The following COL27A1 variants were observed in gnomAD, a reference collection of about 807,000 sequenced individuals.
COL27A1 encodes the protein collagen alpha-1(XXVII) chain.
In COL27A1, 106 loss-of-function variants were observed where a neutral mutation model predicts 251.3. The observed-to-expected ratio is 0.42, with a 90% CI of 0.36 to 0.50. The LOEUF (loss-of-function observed/expected upper bound fraction) is 0.50, where lower values mean the gene tolerates loss of function less well. Ranked by LOEUF, COL27A1 falls within the 20% of genes least tolerant of loss-of-function variation. COL27A1 has a pLI of 0.00. For synonymous variants in COL27A1, 1,000 were observed against 986.3 expected (o/e 1.01, Z -0.26); for missense variants, 2,325 against 2,522.8 (o/e 0.92, Z 1.68).
chr9:114,217,313 C>T (rs892796585), intron 12 of COL27A1, among the ~76,000 whole-genome samples: 3 of 152,196 alleles, frequency 2.0e-5, no homozygotes, highest in East Asian at 3.9e-4. Flanking sequence ...CACTGAGGCA[C>T]CCTTCATGTG....
At chr9:114,198,798 T>G (rs1342101037) in intron 7 of COL27A1, among the ~76,000 whole-genome samples, 6 of 152,102 alleles carry the variant, frequency 3.9e-5, no homozygotes, top group Non-Finnish European at 1.5e-5. Flanking sequence ...GCAAACCAGG[T>G]CAGATAGACC....
At chr9:114,282,175 G>A in intron 37 of COL27A1, 102 bp from the exon 38 acceptor site, 1 of 1,040,878 alleles carries the variant, frequency 9.6e-7, no homozygotes, top group Non-Finnish European at 1.5e-6. Flanking sequence ...TTCGAACCTG[G>A]CCATCTGCCT....
chr9:114,158,399 G>A (rs1468137075), intron 1 of COL27A1, among the ~76,000 whole-genome samples: 1 of 152,186 alleles, frequency 6.6e-6, no homozygotes, highest in East Asian at 1.9e-4. Flanking sequence ...AGCCCCATTT[G>A]GTGCACTGGC....
At position 114,311,837 on chromosome 9, in the gene COL27A1, A is replaced by C. The variant is rs969876762; in HGVS notation, c.*1142A>C. ...GGCTAGGCTTAGAGGTGAAGCATCAACATGGAACCATCTCAGGAAGCCGCA... is the reference window on the plus strand; with the variant it reads ...GGCTAGGCTTAGAGGTGAAGCATCACCATGGAACCATCTCAGGAAGCCGCA... On this transcript the variant is annotated 3_prime_UTR_variant, in exon 61 of 61. Transcript: ENST00000356083. 6.6e-6 allele frequency: 1 copy of C among 152,352 alleles called. No individual in the cohort carries two copies. The highest frequency in any genetic ancestry group is 2.4e-5 in the African/African-American group (1 of 41,590). The allele number at this position is 152,352 out of a possible 1,614,324, so 9.4% of individuals were successfully genotyped here. A position where few individuals can be genotyped will look rare whatever the true frequency, so the allele number is the denominator to read the frequency against.
Position 114,240,209 on chromosome 9 carries a change from C to T in COL27A1, c.2728-11C>T, listed in dbSNP as rs1046707261. 7 of 1,612,852 alleles carry T rather than the reference C, an allele frequency of 4.3e-6. No homozygotes were observed. The highest frequency in any genetic ancestry group is 3.3e-5 in the Admixed American group (2 of 59,962). On this transcript the variant is annotated splice_polypyrimidine_tract_variant and intron_variant, in intron 19 of 60. Transcript: ENST00000356083. The stretch of plus-strand genomic sequence containing the variant: ...CCCCCGTGGGTGACCCTGCTCTCTG[C>T]TTCCCCTCAGGGATTCCCAGGAGAC...
At chr9:114,252,708 T>TC in intron 26 of COL27A1, 62 bp downstream of exon 26, 1 of 1,517,362 alleles carries the variant, frequency 6.6e-7, no homozygotes, top group South Asian at 1.1e-5. Context: ...ACAGCTCTGC[T>TC]CTCCTCCATG....
chr9:114,219,677 G>C (rs1830944822), intron 12 of COL27A1, 114 bp from the exon 13 acceptor site: 1 of 753,150 alleles, frequency 1.3e-6, no homozygotes, highest in East Asian at 2.5e-5. Context: ...CATGACCAAG[G>C]AGTGAGACTG....
At chr9:114,279,811 C>G (rs1835793946) in intron 37 of COL27A1, among the ~76,000 whole-genome samples, 1 of 151,848 alleles carries the variant, frequency 6.6e-6, no homozygotes, top group Admixed American at 6.6e-5. Flanking sequence ...TGAGATTGAG[C>G]CACTGTGTTC....
intron 10 of COL27A1, among the ~76,000 whole-genome samples, chr9:114,207,722 C>T (rs1278991023): frequency 6.6e-6 from 1 of 152,200 alleles, no homozygotes; most frequent in African/African-American, 2.4e-5. Context: ...AGAGGGCAGG[C>T]TTTGGAATCA....
chr9:114,220,688 G>T (rs1042628637), intron 13 of COL27A1, among the ~76,000 whole-genome samples: 1 of 152,126 alleles, frequency 6.6e-6, no homozygotes, highest in Non-Finnish European at 1.5e-5. Flanking sequence ...TCTGCAAATT[G>T]GGGGGATCAG....
In COL27A1 at chr9:114,237,039, G is replaced by C. The variant is rs759753171; in HGVS notation, c.2673+5G>C. ...CGGGGGAAGCCAGGGCCTCTGGTAA[G>C]TACCTGCTCCTCCAGCACCCCCAAA... is the stretch of plus-strand genomic sequence containing the variant. On this transcript the variant is annotated splice_donor_5th_base_variant and intron_variant, in intron 18 of 60. Transcript: ENST00000356083. The C allele has an allele frequency of 1.9e-6, 3 of 1,599,510 alleles. No individual in the cohort carries two copies. Among genetic ancestry groups the C allele is most frequent in the Non-Finnish European group, 2.6e-6 (3 of 1,172,920 alleles).
In COL27A1 at chr9:114,200,858, C is replaced by G. The variant is rs1829517843; in HGVS notation, c.2125-4244C>G. ...AAGTTCAGCAGAGATTCATGGAGAG[C>G]TAAGCAAGCTTGGTGAGTTTCATGT... On this transcript the variant is annotated intron_variant, in intron 7 of 60. Coordinates refer to ENST00000356083, the MANE Select transcript of COL27A1 (RefSeq NM_032888.4). Among the ~76,000 whole-genome samples, 3 of 152,316 alleles carry G rather than the reference C, an allele frequency of 2.0e-5. 1 individual carries two copies. In the South Asian group the frequency reaches 6.2e-4, roughly 32 times the overall value.
intron 1 of COL27A1, among the ~76,000 whole-genome samples, chr9:114,157,840 C>G (rs7038751): frequency 6.6e-6 from 1 of 151,734 alleles, no homozygotes; most frequent in African/African-American, 2.4e-5. Flanking sequence ...TTCCACAAAA[C>G]CGGCACCTTA....
chr9:114,264,372 C>A lies in COL27A1; in HGVS notation c.3213C>A (p.Asp1071Glu). 1 of 1,597,238 alleles carries A rather than the reference C, an allele frequency of 6.3e-7. No individual in the cohort carries two copies. The highest frequency in any genetic ancestry group is 8.5e-7 in the Non-Finnish European group (1 of 1,171,260). Residue 1071 changes from aspartate (D) to glutamate (E), a missense_variant, in exon 29 of 61, where the codon GAC becomes GAA. Coordinates refer to ENST00000356083, the MANE Select transcript of COL27A1 (RefSeq NM_032888.4). ...TATTCCAGGGCCCCCGAGGACCGGA[C>A]GGACCAGCTGGGGAGCAAGGGTCCA... ...AKGRRGPRGP[D>E]GPAGEQGSRG...
At chr9:114,212,602 G>A (rs918827984) in intron 12 of COL27A1, among the ~76,000 whole-genome samples, 2 of 152,202 alleles carry the variant, frequency 1.3e-5, no homozygotes, top group Non-Finnish European at 2.9e-5. Context: ...AGTCTCCCTC[G>A]CTTTATGAAG....
At position 114,309,514 on chromosome 9, in the gene COL27A1, G is replaced by A. The variant is rs765519147; in HGVS notation, c.5436+36G>A. Reference sequence around the variant, plus strand: ...GAGCCCCTCCTAGGCCCTTCATGTGGGGACAACTGGAAAAACACTTGTTTG... The same window carrying A: ...GAGCCCCTCCTAGGCCCTTCATGTGAGGACAACTGGAAAAACACTTGTTTG... On this transcript the variant is annotated intron_variant, in intron 60 of 60. Coordinates refer to ENST00000356083, the MANE Select transcript of COL27A1 (RefSeq NM_032888.4). The A allele has an allele frequency of 1.9e-6, 3 of 1,541,700 alleles. No individual in the cohort carries two copies. In the South Asian group the frequency reaches 3.4e-5, roughly 17 times the overall value.
intron 7 of COL27A1, among the ~76,000 whole-genome samples, chr9:114,197,066 A>T (rs992292788): frequency 1.3e-5 from 2 of 152,202 alleles, no homozygotes; most frequent in African/African-American, 4.8e-5. Context: ...GCAGGTGTTC[A>T]GGAAATGGGG....
intron 8 of COL27A1, 94 bp from the exon 9 acceptor site, chr9:114,205,665 T>C (rs1829902326): frequency 8.9e-7 from 1 of 1,125,224 alleles, no homozygotes; most frequent in Non-Finnish European, 1.4e-6. Context: ...GCCCCTCTCT[T>C]TATTCATTGT....
At chr9:114,282,208 C>T in intron 37 of COL27A1, 69 bp from the exon 38 acceptor site, 2 of 1,459,948 alleles carry the variant, frequency 1.4e-6, no homozygotes, top group Non-Finnish European at 1.9e-6. Context: ...GTCTGACCGC[C>T]TTGCGGATCC....
Sources: allele counts gnomAD v4.1 joint callset (sites outside exome capture counted in the v4.1 genomes callset), GRCh38; gene constraint gnomAD v4.1.1; transcripts MANE v1.5; gene names NCBI Gene and HGNC (gene_info 2026-07-23, HGNC 2026-07-21).